Variants in LRRK1 observed in about 807,000 individuals in gnomAD.
LRRK1 encodes the protein leucine-rich repeat serine/threonine-protein kinase 1.
A neutral mutation model predicts 209.1 loss-of-function variants in LRRK1; 113 were observed. The observed-to-expected ratio is 0.54, with a 90% CI of 0.46 to 0.63. The LOEUF (loss-of-function observed/expected upper bound fraction) is 0.63, where lower values mean the gene tolerates loss of function less well. LRRK1 is among the 30% of genes least tolerant of loss of function. The pLI is 0.00. For missense variants in LRRK1, 2,284 were observed against 2,632.2 expected, an observed-to-expected ratio of 0.87 and a Z score of 2.89; for synonymous variants, 1,144 against 1,099.7, an observed-to-expected ratio of 1.04 and a Z score of -0.80.
Position 101,044,507 on chromosome 15 carries a change from C to A in LRRK1, c.2964-1474C>A, listed in dbSNP as rs147390147. On this transcript the variant is annotated intron_variant, in intron 20 of 33. Transcript: ENST00000388948. ...CCCAGCTCGTAATTGCTCTGAAACC[C>A]GGAGCCAGCGGCCTCCACTACCTGG... Among the ~76,000 whole-genome samples, 604 of 152,324 alleles carry A rather than the reference C, an allele frequency of 4.0e-3. 4 individuals are homozygous for A. The highest frequency in any genetic ancestry group is 0.014 in the African/African-American group (583 of 41,572).
chr15:100,923,366 T>TA (rs1339239226), intron 1 of LRRK1, among the ~76,000 whole-genome samples: 11 of 152,230 alleles, frequency 7.2e-5, no homozygotes, highest in African/African-American at 2.4e-4. Flanking sequence ...CAGATTCTCT[T>TA]AGGCATTATT....
chr15:101,065,210 A>C, intron 31 of LRRK1, 142 bp from the exon 32 acceptor site: 22 of 901,778 alleles, frequency 2.4e-5, no homozygotes, highest in Non-Finnish European at 2.8e-5. Flanking sequence ...GGCCTTTCTA[A>C]GAGATTTGCT....
At position 101,053,029 on chromosome 15, in the gene LRRK1, C is replaced by G; in HGVS notation, c.3797C>G (p.Pro1266Arg). The G allele has an allele frequency of 1.9e-6, 3 of 1,613,022 alleles. No homozygotes were observed. The highest frequency in any genetic ancestry group is 2.5e-6 in the Non-Finnish European group (3 of 1,179,356). Residue 1266 changes from proline to arginine, a missense_variant, in exon 25 of 34, where the codon CCT becomes CGT. Pro to Arg is a moderately radical substitution (Grantham distance 103, BLOSUM62 -2). Around this residue, in one of 6 missense-constraint regions of LRRK1, gnomAD observed 780 missense variants for 985.2 expected, o/e 0.79. Coordinates refer to ENST00000388948, the MANE Select transcript of LRRK1 (RefSeq NM_024652.6). ...VIYRARYQGQ[P>R]VAVKRFHIKK... ...TACCGGGCCCGGTACCAGGGCCAGCCTGTGGCCGTCAAGCGCTTCCACATC... is the reference window on the plus strand; with the variant it reads ...TACCGGGCCCGGTACCAGGGCCAGCGTGTGGCCGTCAAGCGCTTCCACATC...
intron 6 of LRRK1, among the ~76,000 whole-genome samples, chr15:100,992,609 C>T (rs1457018787): frequency 6.6e-6 from 1 of 152,058 alleles, no homozygotes; most frequent in East Asian, 1.9e-4. Flanking sequence ...TTAATTTTCA[C>T]TTCTGTCTGT....
intron 1 of LRRK1, among the ~76,000 whole-genome samples, chr15:100,921,643 C>A (rs765636412): frequency 1.3e-5 from 2 of 152,244 alleles, no homozygotes; most frequent in Non-Finnish European, 2.9e-5. Context: ...TCTGCTCCCC[C>A]ACCAGCTTCA....
chr15:101,065,413 G>C lies in LRRK1; in HGVS notation c.4976G>C (p.Arg1659Pro), dbSNP rs370180202. Residue 1659 changes from arginine to proline, a missense_variant, in exon 32 of 34, where the codon CGG (arginine) becomes CCG (proline). Coordinates refer to ENST00000388948, the MANE Select transcript of LRRK1 (RefSeq NM_024652.6). ...CTTGTGGCTGTGTTTCCCGTGGTGCGGGGCACCCCAAAGGACAGCTGCTCC... is the reference window on the plus strand; with the variant it reads ...CTTGTGGCTGTGTTTCCCGTGGTGCCGGGCACCCCAAAGGACAGCTGCTCC... ...DGLVAVFPVV[R>P]GTPKDSCSYL... 9.9e-6 allele frequency: 16 copies of C among 1,614,078 alleles called. No individual in the cohort carries two copies. In the South Asian group the frequency reaches 1.8e-4, roughly 18 times the overall value.
At chr15:101,030,939 T>C (rs2034252540) in intron 20 of LRRK1, among the ~76,000 whole-genome samples, 1 of 152,148 alleles carries the variant, frequency 6.6e-6, no homozygotes. Flanking sequence ...CCAAAGTCCA[T>C]TGTGTCATTC....
intron 4 of LRRK1, among the ~76,000 whole-genome samples, chr15:100,988,283 C>A (rs959705227): frequency 1.8e-5 from 2 of 109,016 alleles, no homozygotes; most frequent in Non-Finnish European, 3.6e-5. Context: ...AATTTTTTAA[C>A]CTTCCCCCTT....
At chr15:101,059,446 C>T (rs2141150314) in intron 29 of LRRK1, among the ~76,000 whole-genome samples, 1 of 147,626 alleles carries the variant, frequency 6.8e-6, no homozygotes, top group East Asian at 1.9e-4. Flanking sequence ...GCACGCCTTC[C>T]TGATGGGATG....
rs895036162 is a variant in LRRK1, at chr15:101,021,887, G to A, written c.1782G>A (p.Leu594=). 6.2e-7 allele frequency: 1 copy of A among 1,614,002 alleles called. No homozygotes were observed. The highest frequency in any genetic ancestry group is 8.5e-7 in the Non-Finnish European group (1 of 1,179,980). ...AGCTCCCTCCTGAGCTGGGGCAGCT[G>A]GGCAACCTCTGGCAGCTGGACACTG... is the stretch of plus-strand genomic sequence containing the variant. ...LRELPPELGQ[L]GNLWQLDTED... is the part of the protein sequence containing the mutation. The change falls in exon 14 of 34, where the codon CTG becomes CTA. Residue 594 remains leucine (L), a synonymous_variant. Coordinates refer to ENST00000388948, the MANE Select transcript of LRRK1 (RefSeq NM_024652.6).
Position 101,065,932 on chromosome 15 carries a change from A to C in LRRK1, c.5495A>C (p.Gln1832Pro). 1 of 1,614,154 alleles carries C rather than the reference A, an allele frequency of 6.2e-7. No homozygotes were observed. Among genetic ancestry groups the C allele is most frequent in the Non-Finnish European group, 8.5e-7 (1 of 1,180,014 alleles). The change falls in exon 32 of 34, where the codon CAG becomes CCG. Residue 1832 changes from glutamine to proline, a missense_variant. Gln to Pro is a moderately conservative substitution (Grantham distance 76). Coordinates refer to ENST00000388948, the MANE Select transcript of LRRK1 (RefSeq NM_024652.6). ...CTGGGCACGCAGATCCTGATCCACC[A>C]GGAATCACTCACTGACTACTGCTCC... ...EELGTQILIH[Q>P]ESLTDYCSMS...
At chr15:101,061,416 ATCCCCGTGCAG>A in intron 30 of LRRK1, 128 bp downstream of exon 30, 1 of 647,538 alleles carries the variant, frequency 1.5e-6, no homozygotes. Flanking sequence ...CCCCCAGCGC[ATCCCCGTGCAG>A]TCCCCAAGTA....
In LRRK1 at chr15:101,074,797, C is replaced by A. The variant is rs1288643728; in HGVS notation, c.*5949C>A. ...AGGCATTCCTCCAGAACCTCCTCCC[C>A]CAGGAGCTTGCTACAAGTGCCAGAA... On this transcript the variant is annotated 3_prime_UTR_variant, in exon 34 of 34. Coordinates refer to ENST00000388948, the MANE Select transcript of LRRK1 (RefSeq NM_024652.6). The A allele has an allele frequency of 4.6e-5, 7 of 151,898 alleles. No individual in the cohort carries two copies. The highest frequency in any genetic ancestry group is 1.5e-4 in the African/African-American group (6 of 41,232). The allele number at this position is 151,898 out of a possible 1,614,324, so 9.4% of individuals were successfully genotyped here. A position where few individuals can be genotyped will look rare whatever the true frequency, so the allele number is the denominator to read the frequency against.
intron 2 of LRRK1, among the ~76,000 whole-genome samples, chr15:100,969,089 C>T (rs2030687802): frequency 6.6e-6 from 1 of 152,192 alleles, no homozygotes; most frequent in Admixed American, 6.5e-5. Flanking sequence ...ATACACCCAC[C>T]TTGGCCTTCC....
At chr15:101,044,004 G>A (rs2034911036) in intron 20 of LRRK1, 1 of 152,138 alleles carries the variant, frequency 6.6e-6, no homozygotes, top group Non-Finnish European at 1.5e-5. Context: ...CATAGCCATG[G>A]TGTCGGGTTC....
At chr15:100,957,225 T>G (rs1403093651) in intron 2 of LRRK1, among the ~76,000 whole-genome samples, 2 of 152,226 alleles carry the variant, frequency 1.3e-5, no homozygotes, top group African/African-American at 4.8e-5. Context: ...TGACATTTCT[T>G]GGGGAATGTC....
chr15:101,026,239 A>G, intron 17 of LRRK1, 102 bp downstream of exon 17: 2 of 1,240,980 alleles, frequency 1.6e-6, no homozygotes, highest in Non-Finnish European at 2.3e-6. Flanking sequence ...GGGTGGGGCT[A>G]GGCCCCTTTC....
intron 30 of LRRK1, among the ~76,000 whole-genome samples, chr15:101,061,744 C>T (rs548273057): frequency 6.6e-5 from 10 of 152,310 alleles, no homozygotes; most frequent in African/African-American, 2.4e-4. Flanking sequence ...GGCACAGGGG[C>T]TCACGCCTGT....
intron 6 of LRRK1, among the ~76,000 whole-genome samples, chr15:100,995,877 G>A (rs901965276): frequency 3.3e-5 from 5 of 152,222 alleles, no homozygotes; most frequent in African/African-American, 1.2e-4. Context: ...AAATCTGGCA[G>A]CTAACCTAAA....
Sources: gnomAD v4.1 joint callset for allele counts (sites outside exome capture counted in the v4.1 genomes callset) on GRCh38, gnomAD v4.1.1 for gene constraint, gnomAD v4.1.1 regional missense constraint, MANE v1.5 for transcripts, NCBI Gene and HGNC (gene_info 2026-07-23, HGNC 2026-07-21) for gene names.